The following C12orf56 variants were observed in gnomAD, a reference collection of about 807,000 sequenced individuals.
The protein encoded by C12orf56 is uncharacterized protein C12orf56.
Under a neutral mutation model 69.9 loss-of-function variants are expected in C12orf56, and 71 were observed. The ratio of observed to expected loss-of-function variants is 1.02; its 90% confidence interval spans 0.84 to 1.24. The LOEUF is 1.24. C12orf56 is among the 50% of genes most tolerant of loss of function. C12orf56 has a pLI of 0.00. For synonymous variants in C12orf56, 276 were observed against 274.1 expected (o/e 1.01, Z -0.07); for missense variants, 732 against 738.5 (o/e 0.99, Z 0.10).
At chr12:64,268,330 C>T (rs1055225908) in intron 12 of C12orf56, among the ~76,000 whole-genome samples, 1 of 152,182 alleles carries the variant, frequency 6.6e-6, no homozygotes, top group African/African-American at 2.4e-5. Context: ...ACAAGTGTGA[C>T]ACCACTTTGC....
intron 12 of C12orf56, among the ~76,000 whole-genome samples, chr12:64,268,123 T>A (rs1159888668): frequency 6.6e-6 from 1 of 152,222 alleles, no homozygotes; most frequent in African/African-American, 2.4e-5. Context: ...GCTCAACCTG[T>A]AGTTGCTCAG....
chr12:64,335,183 G>A (rs913559138), intron 2 of C12orf56, among the ~76,000 whole-genome samples: 6 of 152,040 alleles, frequency 3.9e-5, no homozygotes, highest in Middle Eastern at 3.2e-3. Flanking sequence ...TTGGGAGGCC[G>A]AGGTGGGCGG....
intron 4 of C12orf56, among the ~76,000 whole-genome samples, chr12:64,318,357 C>G (rs986731353): frequency 6.6e-6 from 1 of 152,084 alleles, no homozygotes; most frequent in African/African-American, 2.4e-5. Context: ...GCCACCATGC[C>G]CGTCCAGAAA....
At position 64,390,198 on chromosome 12, in the gene C12orf56, G is replaced by A. The variant is rs1180272132; in HGVS notation, c.252+116C>T. On this transcript the variant is annotated intron_variant, in intron 1 of 12. Coordinates refer to ENST00000543942, the MANE Select transcript of C12orf56 (RefSeq NM_001170633.2). The stretch of plus-strand genomic sequence containing the variant: ...TGTTCCTCGTTCTCAAATAAGAGGA[G>A]GGGAGTCGAGGGCAGGATGGGGCAG... 5 of 1,306,086 alleles carry A rather than the reference G, an allele frequency of 3.8e-6. No homozygotes were observed. The East Asian group carries it at 1.0e-4, about 27-fold the overall frequency. The allele number at this position is 1,306,086 out of a possible 1,614,324, so 80.9% of individuals were successfully genotyped here.
At chr12:64,307,740 G>A (rs921936400) in intron 5 of C12orf56, among the ~76,000 whole-genome samples, 1 of 152,172 alleles carries the variant, frequency 6.6e-6, no homozygotes, top group East Asian at 1.9e-4. Flanking sequence ...GGTGGCCCAG[G>A]GGTGCAAATC....
In C12orf56 at chr12:64,358,751, G is replaced by A. The variant is rs550628102; in HGVS notation, c.253-5695C>T. Among the ~76,000 whole-genome samples the A allele has an allele frequency of 2.6e-5, 4 of 151,954 alleles. No homozygotes were observed. In the South Asian group the frequency reaches 6.3e-4, roughly 24 times the overall value. On this transcript the variant is annotated intron_variant, in intron 1 of 12. Coordinates refer to ENST00000543942, the MANE Select transcript of C12orf56 (RefSeq NM_001170633.2). ...AGAGGTTGCAGTGAGCCAAGATCAC[G>A]CCACTGCACTCCAGCCTGGGCGACA...
intron 1 of C12orf56, among the ~76,000 whole-genome samples, chr12:64,362,788 AG>A (rs2039415925): frequency 6.6e-6 from 1 of 152,214 alleles, no homozygotes; most frequent in South Asian, 2.1e-4. Flanking sequence ...TGCTAAACAG[AG>A]GGTGGATTAT....
intron 1 of C12orf56, among the ~76,000 whole-genome samples, chr12:64,364,053 C>T (rs2039433279): frequency 1.3e-5 from 2 of 151,516 alleles, no homozygotes; most frequent in South Asian, 4.2e-4. Flanking sequence ...TGGCTCACGC[C>T]TGTAATCCCA....
intron 1 of C12orf56, among the ~76,000 whole-genome samples, chr12:64,379,004 T>C (rs2039677128): frequency 6.6e-6 from 1 of 151,204 alleles, no homozygotes; most frequent in Non-Finnish European, 1.5e-5. Flanking sequence ...TAAGCCAAGA[T>C]TATGCCACTG....
chr12:64,366,184 T>C (rs1303517543), intron 1 of C12orf56, among the ~76,000 whole-genome samples: 1 of 126,320 alleles, frequency 7.9e-6, no homozygotes. Flanking sequence ...AGTTTATATA[T>C]TATGTATAAT....
chr12:64,321,638 C>A (rs1195259888), intron 3 of C12orf56, among the ~76,000 whole-genome samples: 1 of 151,916 alleles, frequency 6.6e-6, no homozygotes, highest in Non-Finnish European at 1.5e-5. Flanking sequence ...CCTGCCCCAG[C>A]CTACAATTTC....
chr12:64,364,315 T>G (rs976039679), intron 1 of C12orf56, among the ~76,000 whole-genome samples: 2 of 151,768 alleles, frequency 1.3e-5, no homozygotes, highest in African/African-American at 4.8e-5. Context: ...CTTCTTAAAT[T>G]TAAAAAAAAA....
chr12:64,319,508 A>G (rs1054029194), intron 3 of C12orf56, among the ~76,000 whole-genome samples: 1 of 152,016 alleles, frequency 6.6e-6, no homozygotes, highest in African/African-American at 2.4e-5. Context: ...TGATCCTCCC[A>G]CCTCAGCCTC....
Position 64,277,709 on chromosome 12 carries a change from C to G in C12orf56, c.1405G>C (p.Ala469Pro). ...GCGTCAAAAGACATTCTGACTAAAG[C>G]TGAATCAGCCACCAACTGGATATCA... Reference protein sequence around the residue: ...VFDIQLVADSALVRMSFDAEL... With the variant: ...VFDIQLVADSPLVRMSFDAEL... Residue 469 changes from alanine to proline, a missense_variant, in exon 9 of 13, where the codon GCT becomes CCT. Coordinates refer to ENST00000543942, the MANE Select transcript of C12orf56 (RefSeq NM_001170633.2). 1.3e-6 allele frequency: 2 copies of G among 1,592,988 alleles called. No homozygotes were observed. The highest frequency in any genetic ancestry group is 1.7e-6 in the Non-Finnish European group (2 of 1,168,240).
intron 1 of C12orf56, among the ~76,000 whole-genome samples, chr12:64,373,548 TGTAA>T (rs1371267484): frequency 6.6e-6 from 1 of 152,210 alleles, no homozygotes; most frequent in Non-Finnish European, 1.5e-5. Flanking sequence ...TTGAAATCAG[TGTAA>T]GACCCAGCAA....
chr12:64,385,182 C>T (rs1010259923), intron 1 of C12orf56, among the ~76,000 whole-genome samples: 6 of 152,112 alleles, frequency 3.9e-5, no homozygotes, highest in African/African-American at 1.4e-4. Flanking sequence ...TATAAAATAT[C>T]CGCCCAAGTA....
At chr12:64,343,335 A>G (rs1033638644) in intron 2 of C12orf56, among the ~76,000 whole-genome samples, 1 of 152,210 alleles carries the variant, frequency 6.6e-6, no homozygotes, top group African/African-American at 2.4e-5. Context: ...GCATAATGTC[A>G]TCAATGTAAT....
intron 3 of C12orf56, among the ~76,000 whole-genome samples, chr12:64,326,699 C>T (rs1384085079): frequency 6.6e-6 from 1 of 150,506 alleles, no homozygotes; most frequent in Non-Finnish European, 1.5e-5. Context: ...AAGATTGAGC[C>T]ACTGCACTCC....
chr12:64,354,738 A>G (rs2039282783), intron 1 of C12orf56, among the ~76,000 whole-genome samples: 1 of 144,318 alleles, frequency 6.9e-6, no homozygotes, highest in South Asian at 2.5e-4. Flanking sequence ...AAGTGCTGGG[A>G]TTACAGGCGT....
Sources: gnomAD v4.1 joint callset for allele counts (sites outside exome capture counted in the v4.1 genomes callset) on GRCh38, gnomAD v4.1.1 for gene constraint, MANE v1.5 for transcripts, NCBI Gene and HGNC (gene_info 2026-07-23, HGNC 2026-07-21) for gene names.